Variants in FREM2 observed in about 807,000 individuals in gnomAD.
FREM2 encodes the protein FRAS1 related extracellular matrix 2, also known as FRAS1-related extracellular matrix protein 2.
Under a neutral mutation model 219.9 loss-of-function variants are expected in FREM2, and 119 were observed. The ratio of observed to expected loss-of-function variants is 0.54; its 90% CI spans 0.47 to 0.63. The LOEUF is 0.63. Ranked by LOEUF, FREM2 falls within the 30% of genes least tolerant of loss-of-function variation. The pLI, the probability that FREM2 is intolerant of heterozygous loss-of-function variation, is 0.00. For synonymous variants in FREM2, 1,562 were observed against 1,522.8 expected (o/e 1.03, Z -0.60); for missense variants, 4,030 against 3,993.6 (o/e 1.01, Z -0.25).
chr13:38,736,198 C>A (rs1871986886), intron 2 of FREM2, among the ~76,000 whole-genome samples: 1 of 152,166 alleles, frequency 6.6e-6, no homozygotes, highest in Non-Finnish European at 1.5e-5. Context: ...TAATTTTTAA[C>A]TAGAAAGTAA....
At chr13:38,712,628 TCTTACTCTCTCTTTCTCTCTCTCACA>T (rs1870821834) in intron 2 of FREM2, among the ~76,000 whole-genome samples, 1 of 138,298 alleles carries the variant, frequency 7.2e-6, no homozygotes, top group Admixed American at 8.0e-5. Context: ...TCTCTCTGTC[TCTTACTCTCTCTTTCTCTCTCTCACA>T]CACACACACA....
chr13:38,763,614 C>A (rs1873323206), intron 2 of FREM2, among the ~76,000 whole-genome samples: 1 of 151,932 alleles, frequency 6.6e-6, no homozygotes, highest in African/African-American at 2.4e-5. Context: ...ACCATTTTTC[C>A]TTTCATTTAC....
intron 2 of FREM2, among the ~76,000 whole-genome samples, chr13:38,761,916 ACCTG>A (rs1335839763): frequency 1.3e-5 from 2 of 152,200 alleles, no homozygotes; most frequent in African/African-American, 4.8e-5. Context: ...GTCAGGATGA[ACCTG>A]GAAATCTGCA....
At chr13:38,725,213 A>G (rs1000177134) in intron 2 of FREM2, among the ~76,000 whole-genome samples, 3 of 152,194 alleles carry the variant, frequency 2.0e-5, no homozygotes, top group African/African-American at 4.8e-5. Context: ...TTATCTGCCA[A>G]TTTTGTGTCA....
At position 38,842,412 on chromosome 13, in the gene FREM2, T is replaced by C. The variant is rs61947986; in HGVS notation, c.6020-4161T>C. Among the ~76,000 whole-genome samples, 434 of 152,180 alleles carry C rather than the reference T, an allele frequency of 2.9e-3. 1 individual carries two copies. Among genetic ancestry groups the C allele is most frequent in the Middle Eastern group, 6.8e-3 (2 of 294 alleles). ...AGTGGAAATGAGACAGAGAGAAACC[T>C]GGGGAAGGGGAGTGGAGGTGACCCT... On this transcript the variant is annotated intron_variant, in intron 6 of 23. Transcript: ENST00000280481.
intron 18 of FREM2, among the ~76,000 whole-genome samples, chr13:38,875,716 C>G (rs1030700226): frequency 2.0e-5 from 3 of 152,160 alleles, no homozygotes; most frequent in African/African-American, 7.2e-5. Context: ...GAAAGTAGCT[C>G]TGAACAATTT....
chr13:38,723,032 G>C (rs1009673727), intron 2 of FREM2, among the ~76,000 whole-genome samples: 1 of 151,836 alleles, frequency 6.6e-6, no homozygotes, highest in African/African-American at 2.4e-5. Flanking sequence ...GGAGTTCGAG[G>C]CCAGCCTGGT....
In FREM2 at chr13:38,880,571, C is replaced by A. The variant is rs747402192; in HGVS notation, c.9294C>A (p.Leu3098=). The change falls in exon 24 of 24, where the codon CTC becomes CTA. Residue 3098 remains leucine (L), a synonymous_variant. Coordinates refer to ENST00000280481, the MANE Select transcript of FREM2 (RefSeq NM_207361.6). Reference sequence around the variant, plus strand: ...GGAGAGCACCTCCAGATGGCATCCTCCCCTGGGAGCTCAACAGCCCCAGCT... The same window carrying A: ...GGAGAGCACCTCCAGATGGCATCCTACCCTGGGAGCTCAACAGCCCCAGCT... ...PHGRAPPDGI[L]PWELNSPSSA... 6.2e-7 allele frequency: 1 copy of A among 1,614,134 alleles called. No homozygotes were observed. Among genetic ancestry groups the A allele is most frequent in the Non-Finnish European group, 8.5e-7 (1 of 1,179,958 alleles).
At chr13:38,847,338 A>G (rs1281559067) in intron 7 of FREM2, among the ~76,000 whole-genome samples, 1 of 152,166 alleles carries the variant, frequency 6.6e-6, no homozygotes, top group Non-Finnish European at 1.5e-5. Context: ...TTTCTCATGT[A>G]CACACACATG....
At position 38,846,614 on chromosome 13, in the gene FREM2, G is replaced by A. The variant is rs1282183231; in HGVS notation, c.6061G>A (p.Glu2021Lys). Reference protein sequence around the residue: ...YFGDVEYSVDESAGYVEVQVW... With the variant: ...YFGDVEYSVDKSAGYVEVQVW... The stretch of plus-strand genomic sequence containing the variant: ...CGGTGATGTGGAATACTCTGTGGAT[G>A]AGAGTGCTGGCTATGTGGAAGTGCA... The change falls in exon 7 of 24, where the codon GAG (glutamate) becomes AAG (lysine). Residue 2021 changes from glutamate to lysine, a missense_variant. By Grantham distance (56) the Glu-to-Lys change is moderately conservative. Around this residue, in one of 2 missense-constraint regions of FREM2, gnomAD observed 3,102 missense variants for 2,950.7 expected, o/e 1.05. Transcript: ENST00000280481. 1 of 1,613,632 alleles carries A rather than the reference G, an allele frequency of 6.2e-7. No homozygotes were observed. Among genetic ancestry groups the A allele is most frequent in the Non-Finnish European group, 8.5e-7 (1 of 1,179,764 alleles).
At chr13:38,729,735 G>T (rs910080480) in intron 2 of FREM2, among the ~76,000 whole-genome samples, 6 of 152,122 alleles carry the variant, frequency 3.9e-5, no homozygotes, top group African/African-American at 1.4e-4. Context: ...ATATCTAGAC[G>T]TTCCACATTT....
intron 16 of FREM2, among the ~76,000 whole-genome samples, chr13:38,866,978 C>G (rs1208150991): frequency 6.6e-6 from 1 of 152,204 alleles, no homozygotes; most frequent in Non-Finnish European, 1.5e-5. Flanking sequence ...AAATTTAGAT[C>G]AGCTAAAGTG....
In FREM2 at chr13:38,850,165, G is replaced by T. The variant is rs376390031; in HGVS notation, c.6507G>T (p.Gly2169=). 25 of 1,613,924 alleles carry T rather than the reference G, an allele frequency of 1.5e-5. No individual in the cohort carries two copies. The East Asian group carries it at 4.5e-4, about 29-fold the overall frequency. Residue 2169 remains glycine (G), a synonymous_variant, in exon 9 of 24, where the codon GGG becomes GGT. Transcript: ENST00000280481. ...RSSVRCYTRQ[G]SAQVMMDFEE... is the part of the protein sequence containing the mutation. ...CAGTGAGATGCTACACCCGGCAGGGGTCTGCACAGGTGATGATGGACTTTG... is the reference window on the plus strand; with the variant it reads ...CAGTGAGATGCTACACCCGGCAGGGTTCTGCACAGGTGATGATGGACTTTG...
chr13:38,688,592 T>A lies in FREM2; in HGVS notation c.1248T>A (p.Asp416Glu). 2 of 1,613,958 alleles carry A rather than the reference T, an allele frequency of 1.2e-6. No homozygotes were observed. Among genetic ancestry groups the A allele is most frequent in the Non-Finnish European group, 1.7e-6 (2 of 1,179,908 alleles). ...RLFELELEVV[D>E]LEGAASDPFA... ...TTGAACTGGAATTGGAGGTAGTGGA[T>A]CTAGAAGGAGCAGCTTCAGACCCTT... The change falls in exon 1 of 24, where the codon GAT becomes GAA. Residue 416 changes from aspartate (D) to glutamate (E), a missense_variant. Asp to Glu is a conservative substitution (Grantham distance 45). This residue lies in a region of FREM2 where 3,102 missense variants were observed against 2,950.7 expected (regional missense o/e 1.05). Coordinates refer to ENST00000280481, the MANE Select transcript of FREM2 (RefSeq NM_207361.6).
chr13:38,785,733 C>G (rs373095734), intron 6 of FREM2, among the ~76,000 whole-genome samples: 1 of 152,188 alleles, frequency 6.6e-6, no homozygotes, highest in South Asian at 2.1e-4. Flanking sequence ...AGGCATGGTA[C>G]TGGCTCCTCT....
At chr13:38,741,874 T>G (rs1872262670) in intron 2 of FREM2, among the ~76,000 whole-genome samples, 1 of 152,204 alleles carries the variant, frequency 6.6e-6, no homozygotes, top group Admixed American at 6.5e-5. Context: ...TTAAGTGTAA[T>G]ATGCTTGTCT....
chr13:38,822,022 C>T (rs183981554), intron 6 of FREM2: 1 of 152,238 alleles, frequency 6.6e-6, no homozygotes, highest in African/African-American at 2.4e-5. Flanking sequence ...GTGACAGTCT[C>T]TCCATTGTGA....
chr13:38,832,959 A>G (rs545278584), intron 6 of FREM2, among the ~76,000 whole-genome samples: 2 of 152,232 alleles, frequency 1.3e-5, no homozygotes, highest in East Asian at 3.9e-4. Context: ...GATTTGCTTA[A>G]GCCCAGGAGG....
rs147506207 is a variant in FREM2, at chr13:38,878,889, A to T, written c.8918A>T (p.Lys2973Ile). Residue 2973 changes from lysine (K) to isoleucine (I), a missense_variant, in exon 23 of 24, where the codon AAA (lysine) becomes ATA (isoleucine). By Grantham distance (102) the Lys-to-Ile change is moderately radical. Coordinates refer to ENST00000280481, the MANE Select transcript of FREM2 (RefSeq NM_207361.6). ...TTTGGAAATGTCCTATTTAATGCCA[A>T]ACTAGCAGTGGATGACCCTGAAGCC... ...TSFGNVLFNA[K>I]LAVDDPEAIL... is the part of the protein sequence containing the mutation. 2 of 1,614,058 alleles carry T rather than the reference A, an allele frequency of 1.2e-6. No individual in the cohort carries two copies. Among genetic ancestry groups the T allele is most frequent in the East Asian group, 4.5e-5 (2 of 44,892 alleles).
Sources: gnomAD v4.1 joint callset for allele counts (sites outside exome capture counted in the v4.1 genomes callset) on GRCh38, gnomAD v4.1.1 for gene constraint, gnomAD v4.1.1 regional missense constraint, MANE v1.5 for transcripts, NCBI Gene and HGNC (gene_info 2026-07-23, HGNC 2026-07-21) for gene names.